MALRD1: variants seen among roughly 807,000 people sequenced by gnomAD.
The protein encoded by MALRD1 is MAM and LDL-receptor class A domain-containing protein 1.
In MALRD1, 247 loss-of-function variants were observed where a neutral mutation model predicts 242.1. That is an observed-to-expected ratio of 1.02 (90% CI 0.92 to 1.13). MALRD1 has a LOEUF of 1.13. Among genes scored for constraint, MALRD1 ranks in the 50% most tolerant of loss-of-function variants. The probability of loss-of-function intolerance (pLI) is 0.00; values close to 1 mark genes in which losing one functional copy is unlikely to be tolerated. For missense variants in MALRD1, 2,989 were observed against 2,533.1 expected, an observed-to-expected ratio of 1.18 and a Z score of -3.86; for synonymous variants, 995 against 866.6, an observed-to-expected ratio of 1.15 and a Z score of -2.60.
At chr10:19,719,154 T>TTA (rs1300235132) in intron 38 of MALRD1, among the ~76,000 whole-genome samples, 61 of 58,176 alleles carry the variant, frequency 1.0e-3, no homozygotes, top group South Asian at 2.6e-3. Flanking sequence ...ACTGTCCAAA[T>TTA]TATATATATA....
At chr10:19,469,856 A>G (rs903770365) in intron 29 of MALRD1, among the ~76,000 whole-genome samples, 14 of 152,056 alleles carry the variant, frequency 9.2e-5, no homozygotes, top group African/African-American at 3.4e-4. Context: ...TTTGGGGATA[A>G]GTATACACTC....
chr10:19,554,239 G>A (rs1196960301), intron 32 of MALRD1, among the ~76,000 whole-genome samples: 1 of 152,110 alleles, frequency 6.6e-6, no homozygotes. Context: ...AGGAAGCTGG[G>A]TTCCAGCATC....
At chr10:19,723,095 C>G (rs1340422959) in intron 38 of MALRD1, among the ~76,000 whole-genome samples, 1 of 152,146 alleles carries the variant, frequency 6.6e-6, no homozygotes, top group Admixed American at 6.5e-5. Context: ...CTTTCAGGCA[C>G]TTAACTCATG....
At chr10:19,612,258 A>G (rs1838935512) in intron 35 of MALRD1, among the ~76,000 whole-genome samples, 1 of 151,932 alleles carries the variant, frequency 6.6e-6, no homozygotes, top group Non-Finnish European at 1.5e-5. Flanking sequence ...TTATTTGTAA[A>G]GGAGAGCTTA....
At chr10:19,646,758 A>G (rs1589355045) in intron 36 of MALRD1, among the ~76,000 whole-genome samples, 1 of 152,348 alleles carries the variant, frequency 6.6e-6, no homozygotes, top group South Asian at 2.1e-4. Flanking sequence ...AAAAAAATAT[A>G]TATAATGCTA....
intron 26 of MALRD1, among the ~76,000 whole-genome samples, chr10:19,357,614 C>T (rs1340989292): frequency 6.6e-6 from 1 of 152,068 alleles, no homozygotes; most frequent in Non-Finnish European, 1.5e-5. Context: ...TTTGATGTCT[C>T]ATGAGTAGTG....
rs1020720386 is a variant in MALRD1, at chr10:19,387,423, T to C, written c.4442-105T>C. ...AGGTACCTCAAATTCCTAAGAACAA[T>C]ATGTTCCTTTATAGATTAAAATGAA... On this transcript the variant is annotated intron_variant, in intron 26 of 39. Transcript: ENST00000454679. The C allele has an allele frequency of 3.0e-6, 4 of 1,343,674 alleles. No individual in the cohort carries two copies. The African/African-American group carries it at 5.9e-5, about 20-fold the overall frequency. The allele number at this position is 1,343,674 out of a possible 1,614,324, so 83.2% of individuals were successfully genotyped here.
intron 18 of MALRD1, among the ~76,000 whole-genome samples, chr10:19,237,619 ATTATAT>A (rs1838400402): frequency 1.9e-4 from 4 of 20,576 alleles, no homozygotes; most frequent in South Asian, 1.5e-3. Context: ...TAATTATATA[ATTATAT>A]AATTATAATT....
At chr10:19,210,360 A>G (rs77571759) in intron 18 of MALRD1, among the ~76,000 whole-genome samples, 3,073 of 152,306 alleles carry the variant, frequency 0.02, 100 homozygotes, top group African/African-American at 0.069. Context: ...AAAAGCTTGG[A>G]GTGCTGACTG....
At chr10:19,644,079 A>C (rs1408151416) in intron 36 of MALRD1, among the ~76,000 whole-genome samples, 2 of 152,082 alleles carry the variant, frequency 1.3e-5, no homozygotes, top group Non-Finnish European at 2.9e-5. Context: ...ATACTGCTCC[A>C]TCTTTTGTTG....
chr10:19,639,112 A>G (rs1278688803), intron 36 of MALRD1, among the ~76,000 whole-genome samples: 1 of 152,182 alleles, frequency 6.6e-6, no homozygotes, highest in African/African-American at 2.4e-5. Flanking sequence ...GTAGAAACAC[A>G]TATGGGTTTA....
intron 26 of MALRD1, among the ~76,000 whole-genome samples, chr10:19,384,595 A>G (rs567176792): frequency 7.6e-4 from 97 of 127,498 alleles, no homozygotes; most frequent in Non-Finnish European, 1.3e-3. Context: ...TATATATTAT[A>G]TAATATATAG....
intron 32 of MALRD1, among the ~76,000 whole-genome samples, chr10:19,537,272 G>A (rs1180825209): frequency 6.6e-6 from 1 of 152,134 alleles, no homozygotes; most frequent in Non-Finnish European, 1.5e-5. Flanking sequence ...GCTGGAATCT[G>A]GTGGGTAGGA....
intron 28 of MALRD1, among the ~76,000 whole-genome samples, chr10:19,418,871 T>A (rs983401071): frequency 3.3e-5 from 5 of 152,212 alleles, no homozygotes; most frequent in African/African-American, 1.2e-4. Context: ...GGGATTGGCC[T>A]CCTTTCATTC....
At chr10:19,454,776 A>G (rs1835556003) in intron 29 of MALRD1, among the ~76,000 whole-genome samples, 1 of 151,586 alleles carries the variant, frequency 6.6e-6, no homozygotes, top group African/African-American at 2.4e-5. Flanking sequence ...TATGTATGGT[A>G]TATATTTGGT....
intron 18 of MALRD1, among the ~76,000 whole-genome samples, chr10:19,217,429 T>C (rs912701460): frequency 5.3e-5 from 8 of 151,430 alleles, no homozygotes; most frequent in Admixed American, 1.3e-4. Context: ...AGTTTTTTAC[T>C]TCACTTTCTT....
intron 36 of MALRD1, among the ~76,000 whole-genome samples, chr10:19,636,303 T>A (rs950862259): frequency 6.6e-6 from 1 of 152,082 alleles, no homozygotes; most frequent in Non-Finnish European, 1.5e-5. Flanking sequence ...TTAGGAACAT[T>A]TACTACCCAT....
At chr10:19,238,445 A>G (rs1205464927) in intron 18 of MALRD1, among the ~76,000 whole-genome samples, 1 of 55,284 alleles carries the variant, frequency 1.8e-5, no homozygotes, top group Non-Finnish European at 3.1e-5. Flanking sequence ...TATATAATAT[A>G]CATTATATAT....
intron 33 of MALRD1, among the ~76,000 whole-genome samples, chr10:19,586,227 G>A (rs570186226): frequency 1.2e-4 from 19 of 152,266 alleles, no homozygotes; most frequent in African/African-American, 4.3e-4. Context: ...CTCTCAGCTC[G>A]TCAAAGTCAT....
Sources: allele counts gnomAD v4.1 joint callset (sites outside exome capture counted in the v4.1 genomes callset), GRCh38; gene constraint gnomAD v4.1.1; transcripts MANE v1.5; gene names NCBI Gene and HGNC (gene_info 2026-07-23, HGNC 2026-07-21).